CCP110: variants seen among roughly 807,000 people sequenced by gnomAD.
CCP110 encodes centriolar coiled-coil protein of 110 kDa.
Under a neutral mutation model 105.5 loss-of-function variants are expected in CCP110, and 43 were observed. That is an observed-to-expected ratio of 0.41 (90% CI 0.32 to 0.53). CCP110 has a LOEUF of 0.53. CCP110 is among the 20% of genes least tolerant of loss of function. The probability of loss-of-function intolerance (pLI) is 0.32; values close to 1 mark genes in which losing one functional copy is unlikely to be tolerated. For synonymous variants in CCP110, 353 were observed against 392.1 expected (o/e 0.90, Z 1.18); for missense variants, 1,016 against 1,189.1 (o/e 0.85, Z 2.14).
chr16:19,548,944 G>A lies in CCP110; in HGVS notation c.2986+344G>A, dbSNP rs946195576. 6.6e-6 allele frequency among the ~76,000 whole-genome samples: 1 copy of A among 152,150 alleles called. No homozygotes were observed. Among genetic ancestry groups the A allele is most frequent in the Non-Finnish European group, 1.5e-5 (1 of 68,042 alleles). ...ATCTCTGGTGCTAAGTCTGTGCATTGTCTGTTCAGCTTGGGGAAGTGTATC... is the reference window on the plus strand; with the variant it reads ...ATCTCTGGTGCTAAGTCTGTGCATTATCTGTTCAGCTTGGGGAAGTGTATC... On this transcript the variant is annotated intron_variant, in intron 14 of 14. Transcript: ENST00000381396. This position sits in a 1 kb window ranked among gnomAD's most constrained non-coding sequence, Gnocchi z 4.1.
At chr16:19,545,847 T>G in exon 11 of CCP110, 1 of 1,609,376 alleles carries the variant, frequency 6.2e-7, no homozygotes, top group Non-Finnish European at 8.5e-7. Context: ...AGTGGCTCTT[T>G]CAGCTGCAAC....
At chr16:19,526,881 G>A (rs577884541) in intron 1 of CCP110, 2 of 152,170 alleles carry the variant, frequency 1.3e-5, no homozygotes, top group South Asian at 2.1e-4. Context: ...GAACATGATT[G>A]TATTCTATTT....
exon 4 of CCP110, chr16:19,537,015 T>C (rs374077305): frequency 1.2e-6 from 2 of 1,614,044 alleles, no homozygotes; most frequent in Non-Finnish European, 1.7e-6. Context: ...ACATCTGAAG[T>C]CAAAGAAGAT....
At chr16:19,529,720 AAACT>A (rs1402284056) in intron 2 of CCP110, among the ~76,000 whole-genome samples, 1 of 152,180 alleles carries the variant, frequency 6.6e-6, no homozygotes, top group Non-Finnish European at 1.5e-5. Context: ...CATCTTAAGA[AAACT>A]AATAATTTTT....
At chr16:19,532,120 C>A (rs761443124) in intron 2 of CCP110, among the ~76,000 whole-genome samples, 3 of 152,008 alleles carry the variant, frequency 2.0e-5, no homozygotes, top group Non-Finnish European at 4.4e-5. Context: ...TCTTTTTAAC[C>A]TTTTAACTGA....
chr16:19,532,521 C>A, exon 3 of CCP110: 1 of 1,608,360 alleles, frequency 6.2e-7, no homozygotes, highest in Non-Finnish European at 8.5e-7. Context: ...GACTCGTGTC[C>A]AGGAGATTCT....
chr16:19,538,918 A>G (rs548292735), intron 4 of CCP110, among the ~76,000 whole-genome samples: 98 of 151,868 alleles, frequency 6.5e-4, no homozygotes, highest in African/African-American at 2.3e-3. Flanking sequence ...TCGAGACCAA[A>G]CTGACAAACA....
chr16:19,537,521 G>GA lies in CCP110; in HGVS notation c.1858dup (p.Arg620LysfsTer4), dbSNP rs1212169402. 6 of 1,602,782 alleles carry GA rather than the reference G, an allele frequency of 3.7e-6. No individual in the cohort carries two copies. In the East Asian group the frequency reaches 6.7e-5, roughly 18 times the overall value. On this transcript the variant is annotated frameshift_variant, in exon 4 of 15. Coordinates refer to ENST00000381396, the Ensembl canonical transcript of CCP110. LOFTEE classifies it high-confidence loss of function. Reference sequence around the variant, plus strand: ...TGAACAAGAAAGGCAACATTTGCCAGAAAAAAGATACCCTAAGGGATCTGG... The same window carrying GA: ...TGAACAAGAAAGGCAACATTTGCCAGAAAAAAAGATACCCTAAGGGATCTGG...
chr16:19,553,223 TTCTTC>T (rs1223310353), exon 15 of CCP110: 1 of 152,242 alleles, frequency 6.6e-6, no homozygotes, highest in Non-Finnish European at 1.5e-5. Context: ...TGTTCATAGC[TTCTTC>T]TCATACAGGT....
rs369202227 is a variant in CCP110 at position 19,548,320 on chromosome 16, A to C, written c.2901-195A>C. Reference sequence around the variant, plus strand: ...AGCATCACCGAAGTGATTCTCCAACAGAGTATGACTCGTGCTTATAGTCTC... The same window carrying C: ...AGCATCACCGAAGTGATTCTCCAACCGAGTATGACTCGTGCTTATAGTCTC... On this transcript the variant is annotated intron_variant, in intron 13 of 14. Coordinates refer to ENST00000381396, the Ensembl canonical transcript of CCP110. The surrounding 1 kb of genome is among the most constrained non-coding windows in gnomAD (Gnocchi z 4.1). The C allele has an allele frequency of 1.7e-6, 1 of 581,080 alleles. No individual in the cohort carries two copies. 36.0% of individuals were successfully genotyped at this position (581,080 alleles called of 1,614,324 possible).
intron 2 of CCP110, among the ~76,000 whole-genome samples, chr16:19,531,164 A>G (rs1409863044): frequency 6.6e-6 from 1 of 152,200 alleles, no homozygotes; most frequent in African/African-American, 2.4e-5. Context: ...CAACATATTT[A>G]TCAGCTATTT....
intron 12 of CCP110, chr16:19,547,261 G>A (rs1364876793): frequency 6.6e-6 from 1 of 152,000 alleles, no homozygotes; most frequent in Admixed American, 6.6e-5. Context: ...AAAAATAAAA[G>A]ATACAAAAAG....
intron 2 of CCP110, among the ~76,000 whole-genome samples, chr16:19,528,323 C>T (rs116131053): frequency 0.021 from 3,212 of 152,266 alleles, 108 homozygotes; most frequent in African/African-American, 0.071. Flanking sequence ...GCCTTTGGGT[C>T]AGCAGTTCCA....
chr16:19,549,713 T>C (rs1970573487), intron 14 of CCP110, among the ~76,000 whole-genome samples: 1 of 152,202 alleles, frequency 6.6e-6, no homozygotes, highest in Non-Finnish European at 1.5e-5. Flanking sequence ...TTTTAAGACA[T>C]TTTCTGTTTT....
chr16:19,544,520 A>G (rs766453987), intron 8 of CCP110, among the ~76,000 whole-genome samples: 6 of 152,200 alleles, frequency 3.9e-5, no homozygotes, highest in Non-Finnish European at 5.9e-5. Context: ...TATAACAACT[A>G]TTTACATAGC....
In CCP110 at chr16:19,548,358, G is replaced by A; in HGVS notation, c.2901-157G>A. The A allele has an allele frequency of 1.7e-6, 1 of 592,738 alleles. No homozygotes were observed. Among genetic ancestry groups the A allele is most frequent in the Non-Finnish European group, 2.9e-6 (1 of 339,706 alleles). 36.7% of individuals were successfully genotyped at this position (592,738 alleles called of 1,614,324 possible). The stretch of plus-strand genomic sequence containing the variant: ...TGCTTATAGTCTCCTGCTGAAGCCA[G>A]AGTTTAGCTTTCCTTACTGTGCGCA... On this transcript the variant is annotated intron_variant, in intron 13 of 14. Transcript: ENST00000381396. The surrounding 1 kb of genome is among the most constrained non-coding windows in gnomAD (Gnocchi z 4.1).
At position 19,547,936 on chromosome 16, in the gene CCP110, T is replaced by G. The variant is rs905540130; in HGVS notation, c.2841-19T>G. ...GAATTTAACCTATTAAATTAATTTTTCATTTAATTTGTCAACAGAGTCCTT... is the reference window on the plus strand; with the variant it reads ...GAATTTAACCTATTAAATTAATTTTGCATTTAATTTGTCAACAGAGTCCTT... On this transcript the variant is annotated intron_variant, in intron 12 of 14. Transcript: ENST00000381396. The G allele has an allele frequency of 1.9e-6, 3 of 1,568,714 alleles. No individual in the cohort carries two copies. In the African/African-American group the frequency reaches 4.1e-5, roughly 21 times the overall value.
chr16:19,526,004 G>A (rs146800144), intron 1 of CCP110: 56 of 152,696 alleles, frequency 3.7e-4, no homozygotes, highest in African/African-American at 1.3e-3. Context: ...ATCCAGTCAT[G>A]CTCTAAGGAT....
rs575332372 is a variant in CCP110, at chr16:19,541,818, C to T, written c.2050-69C>T. The T allele has an allele frequency of 6.6e-5, 58 of 877,510 alleles. No individual in the cohort carries two copies. In the South Asian group the frequency reaches 7.0e-4, roughly 11 times the overall value. The allele number at this position is 877,510 out of a possible 1,614,324, so 54.4% of individuals were successfully genotyped here. A position where few individuals can be genotyped will look rare whatever the true frequency, so the allele number is the denominator to read the frequency against. On this transcript the variant is annotated intron_variant, in intron 5 of 14. Transcript: ENST00000381396. ...ATAATTACATGTACTTTTGGCTAAG[C>T]CTAAAATGATATCATTTTGGGACAT... is the stretch of plus-strand genomic sequence containing the variant.
Sources: gnomAD v4.1 joint callset for allele counts (sites outside exome capture counted in the v4.1 genomes callset) on GRCh38, gnomAD v4.1.1 for gene constraint, Gnocchi (gnomAD v3.1) non-coding constraint, MANE v1.5 for transcripts, NCBI Gene and HGNC (gene_info 2026-07-23, HGNC 2026-07-21) for gene names.